The following OTUD7A variants were observed in gnomAD, a reference collection of about 807,000 sequenced individuals.
OTUD7A encodes the protein OTU domain-containing protein 7A.
Under a neutral mutation model 65.7 loss-of-function variants are expected in OTUD7A, and 12 were observed. That is an observed-to-expected ratio of 0.18 (90% CI 0.12 to 0.30). The LOEUF (loss-of-function observed/expected upper bound fraction) is 0.30. OTUD7A is among the 10% of genes least tolerant of loss of function. OTUD7A has a pLI of 1.00. For missense variants in OTUD7A, 1,148 were observed against 1,304.8 expected, an observed-to-expected ratio of 0.88 and a Z score of 1.85; for synonymous variants, 641 against 586.3, an observed-to-expected ratio of 1.09 and a Z score of -1.35.
chr15:31,510,036 A>G (rs2041658719), intron 8 of OTUD7A, among the ~76,000 whole-genome samples: 1 of 145,026 alleles, frequency 6.9e-6, no homozygotes, highest in African/African-American at 2.5e-5. Flanking sequence ...AGGCTGGGCA[A>G]GGGACGGGCC....
intron 1 of OTUD7A, among the ~76,000 whole-genome samples, chr15:31,721,729 T>C (rs1411507674): frequency 6.6e-6 from 1 of 151,800 alleles, no homozygotes; most frequent in African/African-American, 2.4e-5. Flanking sequence ...AAAATTAAAA[T>C]TTTACCTTAA....
chr15:31,483,209 A>C lies in OTUD7A; in HGVS notation c.*85T>G, dbSNP rs2041159148. The C allele has an allele frequency of 1.9e-6, 2 of 1,033,010 alleles. No individual in the cohort carries two copies. The highest frequency in any genetic ancestry group is 2.3e-6 in the Non-Finnish European group (2 of 860,734). 64.0% of individuals were successfully genotyped at this position (1,033,010 alleles called of 1,614,324 possible). The stretch of plus-strand genomic sequence containing the variant: ...AGAGGAGGCGCCGGCCTTCCGGTGG[A>C]CCAGGGCATGTAAAAAAGACACCGA... On this transcript the variant is annotated 3_prime_UTR_variant, in exon 13 of 13. Coordinates refer to ENST00000307050, the MANE Select transcript of OTUD7A (RefSeq NM_001382637.1).
chr15:31,795,733 C>G (rs986163965), intron 1 of OTUD7A, among the ~76,000 whole-genome samples: 9 of 152,202 alleles, frequency 5.9e-5, no homozygotes, highest in African/African-American at 2.2e-4. Context: ...GCTAGGAGCA[C>G]AGCACCTGAG....
At chr15:31,638,124 T>A (rs1891394845) in intron 3 of OTUD7A, among the ~76,000 whole-genome samples, 1 of 152,050 alleles carries the variant, frequency 6.6e-6, no homozygotes, top group South Asian at 2.1e-4. Flanking sequence ...ATTAAATGCA[T>A]CAAACTTCAC....
At chr15:31,790,500 AGAGG>A (rs1895786270) in intron 1 of OTUD7A, among the ~76,000 whole-genome samples, 2 of 152,114 alleles carry the variant, frequency 1.3e-5, no homozygotes, top group African/African-American at 4.8e-5. Flanking sequence ...ATAAAAAAGA[AGAGG>A]AAGGAAGGAT....
At position 31,481,952 on chromosome 15, in the gene OTUD7A, AT is replaced by A. The variant is rs1335684252; in HGVS notation, c.*1341del. 2 of 152,096 alleles carry A rather than the reference AT, an allele frequency of 1.3e-5. No individual in the cohort carries two copies. The highest frequency in any genetic ancestry group is 2.9e-5 in the Non-Finnish European group (2 of 68,016). The allele number at this position is 152,096 out of a possible 1,614,324, so 9.4% of individuals were successfully genotyped here. A position where few individuals can be genotyped will look rare whatever the true frequency, so the allele number is the denominator to read the frequency against. On this transcript the variant is annotated 3_prime_UTR_variant, in exon 13 of 13. Transcript: ENST00000307050. The stretch of plus-strand genomic sequence containing the variant: ...TTTATAGTATTCTTTGTTAGTGAGG[AT>A]TTTACCCATCTTATCCTCATTTCTT...
chr15:31,700,595 T>A (rs1893192328), intron 1 of OTUD7A, among the ~76,000 whole-genome samples: 2 of 152,202 alleles, frequency 1.3e-5, no homozygotes, highest in African/African-American at 4.8e-5. Context: ...TCACCTCTTC[T>A]CCCCAATTCG....
At chr15:31,713,531 A>C (rs1893503800) in intron 1 of OTUD7A, among the ~76,000 whole-genome samples, 1 of 152,082 alleles carries the variant, frequency 6.6e-6, no homozygotes, top group Non-Finnish European at 1.5e-5. Flanking sequence ...AGGCAGAAGA[A>C]TCGCTTAAAC....
chr15:31,803,608 T>C (rs1896190980), intron 1 of OTUD7A, among the ~76,000 whole-genome samples: 1 of 152,206 alleles, frequency 6.6e-6, no homozygotes, highest in Non-Finnish European at 1.5e-5. Context: ...TTCTTTTCCA[T>C]AAGTGCTGCT....
At chr15:31,775,099 C>T (rs1895341512) in intron 1 of OTUD7A, among the ~76,000 whole-genome samples, 1 of 151,442 alleles carries the variant, frequency 6.6e-6, no homozygotes, top group Non-Finnish European at 1.5e-5. Flanking sequence ...TACACACACA[C>T]ACACACACAC....
intron 1 of OTUD7A, among the ~76,000 whole-genome samples, chr15:31,749,983 C>A (rs1894586888): frequency 6.6e-6 from 1 of 152,060 alleles, no homozygotes; most frequent in Admixed American, 6.6e-5. Flanking sequence ...CAAAAAAATA[C>A]AATACTTAGG....
chr15:31,708,013 A>T (rs1306187050), intron 1 of OTUD7A, among the ~76,000 whole-genome samples: 1 of 151,944 alleles, frequency 6.6e-6, no homozygotes, highest in Non-Finnish European at 1.5e-5. Flanking sequence ...CCTAATATAT[A>T]AAGAGCCTGC....
intron 3 of OTUD7A, among the ~76,000 whole-genome samples, chr15:31,605,145 T>G (rs1334189034): frequency 6.6e-6 from 1 of 152,164 alleles, no homozygotes; most frequent in Non-Finnish European, 1.5e-5. Flanking sequence ...GGGTGGGAGT[T>G]AGAACTTACT....
intron 5 of OTUD7A, among the ~76,000 whole-genome samples, chr15:31,554,224 T>C (rs1490323159): frequency 1.3e-5 from 2 of 152,178 alleles, no homozygotes; most frequent in East Asian, 3.9e-4. Context: ...TTCATTTTCA[T>C]GCTCCCCTTG....
At chr15:31,509,759 A>G (rs2041650257) in intron 8 of OTUD7A, among the ~76,000 whole-genome samples, 1 of 141,456 alleles carries the variant, frequency 7.1e-6, no homozygotes, top group Non-Finnish European at 1.5e-5. Flanking sequence ...AAATTACGTA[A>G]TATTTTTTGC....
At chr15:31,562,398 C>T (rs1185729136) in intron 4 of OTUD7A, among the ~76,000 whole-genome samples, 1 of 152,210 alleles carries the variant, frequency 6.6e-6, no homozygotes, top group Non-Finnish European at 1.5e-5. Context: ...GTACCTGGTA[C>T]CTGGTGCCTC....
In OTUD7A at chr15:31,773,995, T is replaced by C. The variant is rs12437579; in HGVS notation, c.-100+96512A>G. On this transcript the variant is annotated intron_variant, in intron 1 of 12. Transcript: ENST00000307050. ...GTCAAGAAGAACACTTTATCAGTCA[T>C]TGAAATGAAGCTAATGGCACAGTGG... Among the ~76,000 whole-genome samples, 217 of 152,306 alleles carry C rather than the reference T, an allele frequency of 1.4e-3. 2 individuals carry two copies. The highest frequency in any genetic ancestry group is 0.011 in the Admixed American group (174 of 15,302).
chr15:31,589,032 C>A (rs1343040924), intron 3 of OTUD7A, among the ~76,000 whole-genome samples: 1 of 152,192 alleles, frequency 6.6e-6, no homozygotes, highest in African/African-American at 2.4e-5. Context: ...GCAAGGGAGA[C>A]TGGGACATGA....
chr15:31,521,189 G>A (rs2041932297), intron 8 of OTUD7A, among the ~76,000 whole-genome samples: 1 of 152,004 alleles, frequency 6.6e-6, no homozygotes, highest in Non-Finnish European at 1.5e-5. Flanking sequence ...TTGGGTAATG[G>A]GTACGCTAAA....
Sources: gnomAD v4.1 joint callset for allele counts (sites outside exome capture counted in the v4.1 genomes callset) on GRCh38, gnomAD v4.1.1 for gene constraint, MANE v1.5 for transcripts, NCBI Gene and HGNC (gene_info 2026-07-23, HGNC 2026-07-21) for gene names.